SLC16A7: variants seen among roughly 807,000 people sequenced by gnomAD.
SLC16A7 encodes the protein solute carrier family 16 member 7, also known as monocarboxylate transporter 2.
SLC16A7 carries 33 observed loss-of-function variants against 34.9 expected under a neutral mutation model. The observed-to-expected ratio is 0.94, with a 90% CI of 0.72 to 1.26. The LOEUF (loss-of-function observed/expected upper bound fraction) is 1.26. SLC16A7 is among the 50% of genes most tolerant of loss of function. The pLI is 0.00. For missense variants in SLC16A7, 573 were observed against 578.1 expected, an observed-to-expected ratio of 0.99 and a Z score of 0.09; for synonymous variants, 201 against 206.6, an observed-to-expected ratio of 0.97 and a Z score of 0.23.
At chr12:59,611,694 A>G (rs1321238429) in intron 1 of SLC16A7, among the ~76,000 whole-genome samples, 4 of 152,184 alleles carry the variant, frequency 2.6e-5, no homozygotes, top group Admixed American at 2.6e-4. Flanking sequence ...AAAGCAAGTT[A>G]GTTACTTTCT....
In SLC16A7 at chr12:59,782,719, G is replaced by A. The variant is rs897012575; in HGVS notation, c.*3040G>A. 6.6e-6 allele frequency: 1 copy of A among 152,056 alleles called. No individual in the cohort carries two copies. Among genetic ancestry groups the A allele is most frequent in the Non-Finnish European group, 1.5e-5 (1 of 67,996 alleles). The allele number at this position is 152,056 out of a possible 1,614,324, so 9.4% of individuals were successfully genotyped here. On this transcript the variant is annotated 3_prime_UTR_variant, in exon 6 of 6. Coordinates refer to ENST00000547379, the MANE Select transcript of SLC16A7 (RefSeq NM_001270623.2). The stretch of plus-strand genomic sequence containing the variant: ...ATCACTAATTTATGAATAGAACATT[G>A]TGTTTGCACTTTTCCTGACCTATCC...
intron 3 of SLC16A7, among the ~76,000 whole-genome samples, chr12:59,727,053 G>A (rs1229469791): frequency 6.6e-6 from 1 of 151,510 alleles, no homozygotes; most frequent in African/African-American, 2.4e-5. Flanking sequence ...AAACTTGTCA[G>A]TATCTATCCA....
Position 59,671,658 on chromosome 12 carries a change from T to TTCTC in SLC16A7, c.-31+16426_-31+16429dup, listed in dbSNP as rs34073980. Among the ~76,000 whole-genome samples, 104 of 139,612 alleles carry TTCTC rather than the reference T, an allele frequency of 7.4e-4. 3 individuals are homozygous for TTCTC. Among genetic ancestry groups the TTCTC allele is most frequent in the African/African-American group, 2.5e-3 (96 of 38,006 alleles). The allele number at this position is 139,612 out of a possible 152,430, so 91.6% of individuals were successfully genotyped here. ...TGTGTCCCTTTGACTACAGTGCTCTTTCTCTCTCTCTCTCTCTCTCTATAT... is the reference window on the plus strand; with the variant it reads ...TGTGTCCCTTTGACTACAGTGCTCTTTCTCTCTCTCTCTCTCTCTCTCTCTATAT... On this transcript the variant is annotated intron_variant, in intron 2 of 5. Coordinates refer to ENST00000547379, the MANE Select transcript of SLC16A7 (RefSeq NM_001270623.2).
intron 1 of SLC16A7, among the ~76,000 whole-genome samples, chr12:59,631,825 C>T (rs1484908023): frequency 1.3e-5 from 2 of 151,950 alleles, no homozygotes; most frequent in African/African-American, 2.4e-5. Context: ...TTGTTTAAAG[C>T]ACCGTTCCAT....
chr12:59,629,808 C>T (rs897810816), intron 1 of SLC16A7, among the ~76,000 whole-genome samples: 3 of 151,758 alleles, frequency 2.0e-5, no homozygotes, highest in Admixed American at 6.6e-5. Flanking sequence ...ACTCAGAGTC[C>T]ACCCTTTCTA....
chr12:59,747,294 A>G (rs1592629557), intron 3 of SLC16A7, among the ~76,000 whole-genome samples: 1 of 152,372 alleles, frequency 6.6e-6, no homozygotes, highest in African/African-American at 2.4e-5. Flanking sequence ...TAATAAAGTT[A>G]TTATGTTGTA....
chr12:59,646,699 G>A (rs1245447355), intron 1 of SLC16A7, among the ~76,000 whole-genome samples: 1 of 152,130 alleles, frequency 6.6e-6, no homozygotes, highest in Non-Finnish European at 1.5e-5. Flanking sequence ...CCAACAGCTT[G>A]CATTGTGCAC....
intron 3 of SLC16A7, among the ~76,000 whole-genome samples, chr12:59,751,037 A>G (rs889477048): frequency 6.6e-6 from 1 of 150,706 alleles, no homozygotes. Flanking sequence ...CAGGGAGGGG[A>G]ACATCACACA....
Position 59,602,111 on chromosome 12 carries a change from A to T in SLC16A7, c.-130+5875A>T, listed in dbSNP as rs1878712745. Among the ~76,000 whole-genome samples, 6 of 152,316 alleles carry T rather than the reference A, an allele frequency of 3.9e-5. No individual in the cohort carries two copies. The South Asian group carries it at 1.2e-3, about 32-fold the overall frequency. On this transcript the variant is annotated intron_variant, in intron 1 of 5. Coordinates refer to ENST00000547379, the MANE Select transcript of SLC16A7 (RefSeq NM_001270623.2). ...AAGATCAAATTGAGATTGTTTAAAC[A>T]ATTTATTTGGGATCAGAGTACTTTC...
chr12:59,613,711 A>C (rs1218014522), intron 1 of SLC16A7, among the ~76,000 whole-genome samples: 4 of 152,196 alleles, frequency 2.6e-5, no homozygotes, highest in Non-Finnish European at 5.9e-5. Flanking sequence ...GATGAAGAAA[A>C]AATGAAATAC....
At chr12:59,632,120 TAA>T (rs1043996277) in intron 1 of SLC16A7, among the ~76,000 whole-genome samples, 3 of 151,722 alleles carry the variant, frequency 2.0e-5, no homozygotes, top group Non-Finnish European at 4.4e-5. Context: ...ACGGAATGAG[TAA>T]AAGACATGCT....
chr12:59,649,984 A>G (rs541143751), intron 1 of SLC16A7, among the ~76,000 whole-genome samples: 3 of 152,138 alleles, frequency 2.0e-5, no homozygotes, highest in Admixed American at 1.3e-4. Flanking sequence ...TAAAAATATT[A>G]GTAAAAATTT....
intron 1 of SLC16A7, among the ~76,000 whole-genome samples, chr12:59,625,002 T>C (rs894430324): frequency 6.6e-6 from 1 of 151,804 alleles, no homozygotes; most frequent in African/African-American, 2.4e-5. Flanking sequence ...GTCTTAGCCA[T>C]CTGGTTTCCC....
At chr12:59,706,362 C>CTGTGTGTGTG (rs35397986) in intron 3 of SLC16A7, among the ~76,000 whole-genome samples, 2 of 150,218 alleles carry the variant, frequency 1.3e-5, no homozygotes, top group African/African-American at 4.9e-5. Flanking sequence ...AAATAATTCC[C>CTGTGTGTGTG]TGTGTGTGTG....
intron 1 of SLC16A7, among the ~76,000 whole-genome samples, chr12:59,644,843 C>A (rs1273306106): frequency 1.3e-5 from 2 of 152,128 alleles, no homozygotes; most frequent in South Asian, 2.1e-4. Context: ...TAATTATCTG[C>A]AAACCTGCGA....
intron 3 of SLC16A7, among the ~76,000 whole-genome samples, chr12:59,732,133 T>G (rs1395980190): frequency 2.0e-5 from 3 of 152,024 alleles, no homozygotes; most frequent in African/African-American, 7.2e-5. Flanking sequence ...AATGCTAATT[T>G]TTGGCTGGGC....
rs34956184 is a variant in SLC16A7 at position 59,673,482 on chromosome 12, GT to G, written c.-31+18246del. On this transcript the variant is annotated intron_variant, in intron 2 of 5. Coordinates refer to ENST00000547379, the MANE Select transcript of SLC16A7 (RefSeq NM_001270623.2). ...GACTAGGCAAGTTGTCAGCAAACAT[GT>G]TTTTTTTTTTTTTGGCCACAAGTAA... 1.8e-3 allele frequency among the ~76,000 whole-genome samples: 245 copies of G among 139,934 alleles called. 1 individual carries two copies. The highest frequency in any genetic ancestry group is 3.7e-3 in the Middle Eastern group (1 of 270). 91.8% of individuals were successfully genotyped at this position (139,934 alleles called of 152,430 possible). A position where few individuals can be genotyped will look rare whatever the true frequency, so the allele number is the denominator to read the frequency against.
intron 2 of SLC16A7, among the ~76,000 whole-genome samples, chr12:59,677,449 T>C (rs1376259844): frequency 6.6e-6 from 1 of 152,208 alleles, no homozygotes; most frequent in Non-Finnish European, 1.5e-5. Flanking sequence ...ACCTAAAACT[T>C]GTCTCAAGAA....
At chr12:59,734,013 T>C in intron 3 of SLC16A7, 1 of 344,460 alleles carries the variant, frequency 2.9e-6, no homozygotes, top group Non-Finnish European at 5.8e-6. Flanking sequence ...TGGGTGGGCC[T>C]GGAAAAAGCT....
Sources: allele counts gnomAD v4.1 joint callset (sites outside exome capture counted in the v4.1 genomes callset), GRCh38; gene constraint gnomAD v4.1.1; transcripts MANE v1.5; gene names NCBI Gene and HGNC (gene_info 2026-07-23, HGNC 2026-07-21).